Variants in THSD7A observed in about 807,000 individuals in gnomAD.
The protein encoded by THSD7A is thrombospondin type-1 domain-containing protein 7A.
A neutral mutation model predicts 231.3 loss-of-function variants in THSD7A; 96 were observed. The observed-to-expected ratio is 0.41, with a 90% confidence interval of 0.35 to 0.49. The LOEUF (loss-of-function observed/expected upper bound fraction) is 0.49. THSD7A is among the 20% of genes least tolerant of loss of function. The probability of loss-of-function intolerance (pLI) is 0.05; values close to 1 mark genes in which losing one functional copy is unlikely to be tolerated. For missense variants in THSD7A, 2,290 were observed against 2,070.2 expected (o/e 1.11, Z -2.06); for synonymous variants, 940 against 743.3 (o/e 1.26, Z -4.30).
Position 11,375,427 on chromosome 7 carries a change from G to A in THSD7A, c.*367C>T. 1 of 171,078 alleles carries A rather than the reference G, an allele frequency of 5.8e-6. No homozygotes were observed. Among genetic ancestry groups the A allele is most frequent in the South Asian group, 1.8e-4 (1 of 5,518 alleles). The allele number at this position is 171,078 out of a possible 1,614,324, so 10.6% of individuals were successfully genotyped here. A position where few individuals can be genotyped will look rare whatever the true frequency, so the allele number is the denominator to read the frequency against. Reference sequence around the variant, plus strand: ...TGGTAGAAACTCTTCATGCTAGGAAGTTTTATGGATTAACACTGCAGACGG... The same window carrying A: ...TGGTAGAAACTCTTCATGCTAGGAAATTTTATGGATTAACACTGCAGACGG... On this transcript the variant is annotated 3_prime_UTR_variant, in exon 28 of 28. Coordinates refer to ENST00000423059, the MANE Select transcript of THSD7A (RefSeq NM_015204.3).
intron 1 of THSD7A, among the ~76,000 whole-genome samples, chr7:11,811,525 C>T (rs150823605): frequency 0.01 from 1,595 of 152,228 alleles, 16 homozygotes; most frequent in Non-Finnish European, 0.012. Context: ...TGAATACTGA[C>T]AGTCCTAATT....
In THSD7A at chr7:11,424,214, T is replaced by C. The variant is rs187874121; in HGVS notation, c.3383+482A>G. 6.5e-3 allele frequency among the ~76,000 whole-genome samples: 990 copies of C among 151,946 alleles called. 5 individuals carry two copies. The highest frequency in any genetic ancestry group is 0.01 in the Non-Finnish European group (685 of 68,026). On this transcript the variant is annotated intron_variant, in intron 16 of 27. Transcript: ENST00000423059. Reference sequence around the variant, plus strand: ...TTTTTTTTAATTTAAATTGAGTTAGTGTGGCTAGTGGCTATCCTATGGGAC... The same window carrying C: ...TTTTTTTTAATTTAAATTGAGTTAGCGTGGCTAGTGGCTATCCTATGGGAC...
chr7:11,402,060 T>C (rs1783425057), intron 22 of THSD7A, 92 bp from the exon 23 acceptor site: 1 of 1,029,186 alleles, frequency 9.7e-7, no homozygotes, highest in African/African-American at 1.6e-5. Context: ...AGGCAATGTT[T>C]CTGGTATCCC....
chr7:11,718,629 G>A (rs145779877), intron 1 of THSD7A, among the ~76,000 whole-genome samples: 1 of 151,550 alleles, frequency 6.6e-6, no homozygotes, highest in African/African-American at 2.4e-5. Context: ...TAATCCATAG[G>A]TCCTGATATA....
intron 1 of THSD7A, among the ~76,000 whole-genome samples, chr7:11,732,346 A>C (rs1781764752): frequency 6.6e-6 from 1 of 151,856 alleles, no homozygotes; most frequent in Non-Finnish European, 1.5e-5. Flanking sequence ...TGTAAAATAC[A>C]ATGATGAAAA....
Position 11,831,691 on chromosome 7 carries a change from G to C in THSD7A, c.190+66C>G. On this transcript the variant is annotated intron_variant, in intron 1 of 27. Transcript: ENST00000423059. The surrounding 1 kb of genome is among the most constrained non-coding windows in gnomAD (Gnocchi z 5.0). ...CAAAAGCACCGGGGTCCCTACAGAA[G>C]CCCACCAGCTCCTTAATGTGGCCCC... 1 of 1,219,516 alleles carries C rather than the reference G, an allele frequency of 8.2e-7. No individual in the cohort carries two copies. The highest frequency in any genetic ancestry group is 1.6e-5 in the African/African-American group (1 of 63,746). The allele number at this position is 1,219,516 out of a possible 1,614,324, so 75.5% of individuals were successfully genotyped here. A position where few individuals can be genotyped will look rare whatever the true frequency, so the allele number is the denominator to read the frequency against.
intron 7 of THSD7A, among the ~76,000 whole-genome samples, chr7:11,475,153 C>T (rs1254325759): frequency 1.3e-5 from 2 of 152,112 alleles, no homozygotes; most frequent in Admixed American, 6.6e-5. Context: ...AGAAAGTAGA[C>T]TGGGCTTATG....
chr7:11,772,227 A>G (rs1407884075), intron 1 of THSD7A, among the ~76,000 whole-genome samples: 3 of 152,096 alleles, frequency 2.0e-5, no homozygotes, highest in African/African-American at 7.2e-5. Flanking sequence ...ACAAAACAAA[A>G]CAGATGCTGG....
chr7:11,535,777 G>A (rs73286890), intron 6 of THSD7A, among the ~76,000 whole-genome samples: 12,548 of 152,110 alleles, frequency 0.082, 803 homozygotes, highest in East Asian at 0.18. Context: ...GAATGATCAT[G>A]CATTTGAAGT....
chr7:11,739,520 C>T (rs181033870), intron 1 of THSD7A, among the ~76,000 whole-genome samples: 123 of 151,976 alleles, frequency 8.1e-4, no homozygotes, highest in African/African-American at 2.8e-3. Flanking sequence ...CAGATGAGTA[C>T]CATTCACTAT....
At chr7:11,783,167 C>T (rs1292397747) in intron 1 of THSD7A, among the ~76,000 whole-genome samples, 1 of 152,102 alleles carries the variant, frequency 6.6e-6, no homozygotes, top group Non-Finnish European at 1.5e-5. Flanking sequence ...GGTTATGTCT[C>T]AATAGACCCA....
At chr7:11,505,689 T>C (rs1402321750) in intron 6 of THSD7A, among the ~76,000 whole-genome samples, 1 of 152,170 alleles carries the variant, frequency 6.6e-6, no homozygotes, top group East Asian at 1.9e-4. Flanking sequence ...TAAGAATGCA[T>C]ACAACATTGG....
intron 1 of THSD7A, chr7:11,821,040 T>G: frequency 1.0e-6 from 1 of 982,920 alleles, no homozygotes; most frequent in Non-Finnish European, 1.6e-6. Flanking sequence ...ACTTTTCATT[T>G]CATCACGAGC....
At chr7:11,769,153 A>ATTTTTTTTTTTTTTTTTTTTTTTT (rs1227041855) in intron 1 of THSD7A, among the ~76,000 whole-genome samples, 3 of 27,658 alleles carry the variant, frequency 1.1e-4, no homozygotes, top group South Asian at 1.4e-3. Flanking sequence ...ATATATATAT[A>ATTTTTTTTTTTTTTTTTTTTTTTT]TTTTTTTTTT....
At chr7:11,805,644 T>A (rs1455430298) in intron 1 of THSD7A, among the ~76,000 whole-genome samples, 1 of 152,128 alleles carries the variant, frequency 6.6e-6, no homozygotes, top group African/African-American at 2.4e-5. Context: ...TATCATTATA[T>A]GGTTTTAAAA....
intron 1 of THSD7A, among the ~76,000 whole-genome samples, chr7:11,791,929 T>G (rs1434128862): frequency 6.6e-6 from 1 of 151,952 alleles, no homozygotes; most frequent in East Asian, 1.9e-4. Context: ...TTTACTAATT[T>G]GATTCTTGCT....
intron 1 of THSD7A, among the ~76,000 whole-genome samples, chr7:11,694,390 T>G (rs1419648508): frequency 6.6e-6 from 1 of 151,532 alleles, no homozygotes; most frequent in East Asian, 2.0e-4. Context: ...ATAGTACCAT[T>G]CATTTTTATT....
chr7:11,599,304 C>T (rs1050743851), intron 2 of THSD7A, among the ~76,000 whole-genome samples: 1 of 152,140 alleles, frequency 6.6e-6, no homozygotes, highest in Non-Finnish European at 1.5e-5. Context: ...AGGAAAAATA[C>T]CACAGACTGC....
At chr7:11,631,987 C>T (rs542902590) in intron 2 of THSD7A, among the ~76,000 whole-genome samples, 6 of 152,218 alleles carry the variant, frequency 3.9e-5, no homozygotes, top group Admixed American at 1.3e-4. Flanking sequence ...GATCTGGGAA[C>T]TTAATTGGTA....
Sources: allele counts gnomAD v4.1 joint callset (sites outside exome capture counted in the v4.1 genomes callset), GRCh38; gene constraint gnomAD v4.1.1; non-coding constraint Gnocchi (gnomAD v3.1); transcripts MANE v1.5; gene names NCBI Gene and HGNC (gene_info 2026-07-23, HGNC 2026-07-21).